NOL7: variants seen among roughly 807,000 people sequenced by gnomAD.
NOL7 encodes the protein U3 small nucleolar RNA-associated protein NOL7.
Under a neutral mutation model 38.4 loss-of-function variants are expected in NOL7, and 36 were observed. The observed-to-expected ratio is 0.94, with a 90% CI of 0.72 to 1.24. The LOEUF is 1.24. NOL7 is among the 50% of genes most tolerant of loss of function. NOL7 has a pLI of 0.00. For synonymous variants in NOL7, 142 were observed against 126.5 expected (o/e 1.12, Z -0.82); for missense variants, 350 against 315.1 (o/e 1.11, Z -0.84).
At chr6:13,620,536 A>G (rs1383053433) in intron 7 of NOL7, 51 bp downstream of exon 7, 1 of 1,518,522 alleles carries the variant, frequency 6.6e-7, no homozygotes, top group Non-Finnish European at 9.1e-7. Flanking sequence ...ATGTTGAATA[A>G]TGTTCTTTTG....
chr6:13,620,812 G>A lies in NOL7; in HGVS notation c.759G>A (p.Met253Ile), dbSNP rs759319676. 36 of 1,595,764 alleles carry A rather than the reference G, an allele frequency of 2.3e-5. 1 individual carries two copies. The highest frequency in any genetic ancestry group is 8.5e-7 in the Non-Finnish European group (1 of 1,170,278). The change falls in exon 8 of 8, where the codon ATG becomes ATA. Residue 253 changes from methionine to isoleucine, a missense_variant. Coordinates refer to ENST00000451315, the MANE Select transcript of NOL7 (RefSeq NM_016167.5). Reference sequence around the variant, plus strand: ...AAAGACGGTGGATGGTCAGAAAGATGAAAACTAAGAAGTAAATCAATGCTA... The same window carrying A: ...AAAGACGGTGGATGGTCAGAAAGATAAAAACTAAGAAGTAAATCAATGCTA... ...RFKRRWMVRK[M>I]KTKK
At chr6:13,617,703 A>T (rs1342103260) in intron 3 of NOL7, 67 bp from the exon 4 acceptor site, 1 of 1,469,018 alleles carries the variant, frequency 6.8e-7, no homozygotes, top group Non-Finnish European at 9.5e-7. Context: ...GGCAAATGAA[A>T]TAATATAACA....
intron 5 of NOL7, among the ~76,000 whole-genome samples, chr6:13,618,456 C>T (rs1764348075): frequency 6.6e-6 from 1 of 151,452 alleles, no homozygotes; most frequent in Non-Finnish European, 1.5e-5. Flanking sequence ...ACCTTGTTAG[C>T]CAGGATGGTC....
Position 13,620,255 on chromosome 6 carries a change from G to A in NOL7, c.548G>A (p.Arg183Lys), listed in dbSNP as rs146992026. ...GTAAGGCTAAAAGACCAAGATCTGAGAGATTCAAGGCAACAAGCAGCACAA... is the reference window on the plus strand; with the variant it reads ...GTAAGGCTAAAAGACCAAGATCTGAAAGATTCAAGGCAACAAGCAGCACAA... ...LAVRLKDQDL[R>K]DSRQQAAQAF... The change falls in exon 6 of 8, where the codon AGA (arginine) becomes AAA (lysine). Residue 183 changes from arginine (R) to lysine (K), a missense_variant. By Grantham distance (26) the Arg-to-Lys change is conservative. Coordinates refer to ENST00000451315, the MANE Select transcript of NOL7 (RefSeq NM_016167.5). 3.0e-4 allele frequency: 491 copies of A among 1,614,174 alleles called. 4 individuals are homozygous for A. In the East Asian group the frequency reaches 9.1e-3, roughly 30 times the overall value.
intron 8 of NOL7, among the ~76,000 whole-genome samples, chr6:13,627,630 C>CAAAAAAAAAAAAAAAAAAAA (rs35401168): frequency 6.0e-5 from 4 of 66,406 alleles, no homozygotes; most frequent in East Asian, 4.5e-4. Context: ...ACTCCATCTC[C>CAAAAAAAAAAAAAAAAAAAA]AAAAAAAAAA....
chr6:13,615,767 CAGA>C lies in NOL7; in HGVS notation c.325_327del (p.Lys110del). The C allele has an allele frequency of 6.2e-7, 1 of 1,613,186 alleles. No individual in the cohort carries two copies. The highest frequency in any genetic ancestry group is 1.7e-5 in the Admixed American group (1 of 59,778). On this transcript the variant is annotated inframe_deletion and splice_region_variant, in exon 2 of 8. Coordinates refer to ENST00000451315, the MANE Select transcript of NOL7 (RefSeq NM_016167.5). Reference sequence around the variant, plus strand: ...GCGACGCGAGGAGCTGTTCATCGAACAGAAGGTTAGAGGCTAGGGAGGAGGTGT... The same window carrying C: ...GCGACGCGAGGAGCTGTTCATCGAACAGGTTAGAGGCTAGGGAGGAGGTGT...
intron 4 of NOL7, 88 bp from the exon 5 acceptor site, chr6:13,617,969 GT>G: frequency 2.1e-6 from 2 of 950,344 alleles, no homozygotes; most frequent in Non-Finnish European, 3.4e-6. Flanking sequence ...CCACATTGGT[GT>G]GTAGTGGATG....
intron 2 of NOL7, among the ~76,000 whole-genome samples, chr6:13,616,057 T>G (rs1183276870): frequency 6.6e-6 from 1 of 152,186 alleles, no homozygotes; most frequent in Non-Finnish European, 1.5e-5. Context: ...GTTCGTCTCC[T>G]TTAGTGTCCA....
At chr6:13,629,973 C>G (rs1261314403) in intron 8 of NOL7, among the ~76,000 whole-genome samples, 1 of 151,436 alleles carries the variant, frequency 6.6e-6, no homozygotes, top group Non-Finnish European at 1.5e-5. Flanking sequence ...TCACATGACT[C>G]AAAGTTTATG....
At chr6:13,620,379 G>C in intron 6 of NOL7, 29 bp from the exon 7 acceptor site, 1 of 1,613,704 alleles carries the variant, frequency 6.2e-7, no homozygotes, top group Non-Finnish European at 8.5e-7. Context: ...AAATAAAACT[G>C]TGAAATGATA....
intron 3 of NOL7, among the ~76,000 whole-genome samples, chr6:13,617,034 T>C (rs1352412116): frequency 6.6e-6 from 1 of 152,134 alleles, no homozygotes; most frequent in African/African-American, 2.4e-5. Context: ...TTTTTTTTTT[T>C]CTATCCTCTT....
At chr6:13,624,776 C>T (rs182731979), downstream of NOL7, among the ~76,000 whole-genome samples, 494 of 152,324 alleles carry the variant, frequency 3.2e-3, 2 homozygotes, top group African/African-American at 0.01. Flanking sequence ...AATTGCTTTT[C>T]TCTTCCTCAC....
downstream of NOL7, chr6:13,622,266 A>G: frequency 7.9e-7 from 1 of 1,270,454 alleles, no homozygotes; most frequent in Non-Finnish European, 1.0e-6. Context: ...TCCCCAGTAC[A>G]TAATTTAAAA....
In NOL7 at chr6:13,620,499, TTATTCTC is replaced by T. The variant is rs765949814; in HGVS notation, c.700+15_700+21del. 2 of 1,607,382 alleles carry T rather than the reference TTATTCTC, an allele frequency of 1.2e-6. No homozygotes were observed. Among genetic ancestry groups the T allele is most frequent in the Admixed American group, 3.3e-5 (2 of 60,018 alleles). On this transcript the variant is annotated intron_variant, in intron 7 of 7. Coordinates refer to ENST00000451315, the MANE Select transcript of NOL7 (RefSeq NM_016167.5). ...ATAATGCTTGGGGTAAGATCCAGCT[TTATTCTC>T]CTGTCTCTAATAGCTTTATATGTTG...
Position 13,620,324 on chromosome 6 carries a change from C to CT in NOL7, c.618dup (p.Thr207TyrfsTer4). On this transcript the variant is annotated frameshift_variant, in exon 6 of 8. Coordinates refer to ENST00000451315, the MANE Select transcript of NOL7 (RefSeq NM_016167.5). LOFTEE classifies it high-confidence loss of function. ...TTATATGGGCCAGGAACCAACAGGA[C>CT]TACTGGTAATTTTTTTATGGACTAT... 6.2e-7 allele frequency: 1 copy of CT among 1,613,856 alleles called. No homozygotes were observed. The highest frequency in any genetic ancestry group is 8.5e-7 in the Non-Finnish European group (1 of 1,179,868).
chr6:13,615,378 G>A lies in NOL7; in HGVS notation c.20G>A (p.Arg7Gln), dbSNP rs886550846. 10 of 1,516,814 alleles carry A rather than the reference G, an allele frequency of 6.6e-6. No individual in the cohort carries two copies. The African/African-American group carries it at 8.3e-5, about 13-fold the overall frequency. The allele number at this position is 1,516,814 out of a possible 1,614,324, so 94.0% of individuals were successfully genotyped here. A position where few individuals can be genotyped will look rare whatever the true frequency, so the allele number is the denominator to read the frequency against. MVQLRP[R>Q]ASRAPASAEA... ...TGGGCCATGGTGCAGCTCCGACCGCGAGCGTCTCGCGCCCCGGCGTCGGCG... is the reference window on the plus strand; with the variant it reads ...TGGGCCATGGTGCAGCTCCGACCGCAAGCGTCTCGCGCCCCGGCGTCGGCG... Residue 7 changes from arginine to glutamine, a missense_variant, in exon 1 of 8, where the codon CGA (arginine) becomes CAA (glutamine). Arg to Gln is a conservative substitution (Grantham distance 43, BLOSUM62 1). Coordinates refer to ENST00000451315, the MANE Select transcript of NOL7 (RefSeq NM_016167.5).
At position 13,620,333 on chromosome 6, in the gene NOL7, A is replaced by T. The variant is rs761907824; in HGVS notation, c.622+4A>T. 1 of 1,613,830 alleles carries T rather than the reference A, an allele frequency of 6.2e-7. No individual in the cohort carries two copies. Among genetic ancestry groups the T allele is most frequent in the Non-Finnish European group, 8.5e-7 (1 of 1,179,946 alleles). On this transcript the variant is annotated splice_donor_region_variant and intron_variant, in intron 6 of 7. Transcript: ENST00000451315. Reference sequence around the variant, plus strand: ...CCAGGAACCAACAGGACTACTGGTAATTTTTTTATGGACTATTTTTCTCAC... The same window carrying T: ...CCAGGAACCAACAGGACTACTGGTATTTTTTTTATGGACTATTTTTCTCAC...
chr6:13,631,098 G>A lies in NOL7; in HGVS notation n.574-1295G>A, dbSNP rs542207847. On this transcript the variant is annotated intron_variant and non_coding_transcript_variant, in intron 8 of 8. Coordinates refer to the NOL7 transcript ENST00000474485. Reference sequence around the variant, plus strand: ...GCTGGGAATACAGGTGTGAGCCACCGCGCCCGGCCTGATTTGACTTTTTAA... The same window carrying A: ...GCTGGGAATACAGGTGTGAGCCACCACGCCCGGCCTGATTTGACTTTTTAA... Among the ~76,000 whole-genome samples, 6 of 152,206 alleles carry A rather than the reference G, an allele frequency of 3.9e-5. No homozygotes were observed. In the South Asian group the frequency reaches 1.2e-3, roughly 31 times the overall value.
At chr6:13,626,482 A>AT (rs1764608260), downstream of NOL7, among the ~76,000 whole-genome samples, 1 of 152,206 alleles carries the variant, frequency 6.6e-6, no homozygotes, top group Non-Finnish European at 1.5e-5. Flanking sequence ...ATTACTGCAT[A>AT]ATGGGGACTA....
Sources: gnomAD v4.1 joint callset for allele counts (sites outside exome capture counted in the v4.1 genomes callset) on GRCh38, gnomAD v4.1.1 for gene constraint, MANE v1.5 for transcripts, NCBI Gene and HGNC (gene_info 2026-07-23, HGNC 2026-07-21) for gene names.